Variants in PDE6A observed in about 807,000 individuals in gnomAD.
PDE6A encodes rod cGMP-specific 3',5'-cyclic phosphodiesterase subunit alpha.
PDE6A carries 84 observed loss-of-function variants against 106.3 expected under a neutral mutation model. That is an observed-to-expected ratio of 0.79 (90% CI 0.66 to 0.95). The LOEUF (loss-of-function observed/expected upper bound fraction) is 0.95, where lower values mean the gene tolerates loss of function less well. Ranked by LOEUF, PDE6A falls within the 40% of genes least tolerant of loss-of-function variation. PDE6A has a pLI of 0.00. For synonymous variants in PDE6A, 394 were observed against 386.6 expected, an observed-to-expected ratio of 1.02 and a Z score of -0.23; for missense variants, 1,052 against 1,084.9, an observed-to-expected ratio of 0.97 and a Z score of 0.43.
intron 17 of PDE6A, among the ~76,000 whole-genome samples, chr5:149,870,829 AGGTCCAAGGTG>A (rs1251927932): frequency 1.3e-5 from 2 of 151,264 alleles, no homozygotes; most frequent in African/African-American, 2.4e-5. Context: ...TGGCAGAAAA[AGGTCCAAGGTG>A]AAAAAAGAAG....
chr5:149,911,090 A>G (rs1050135803), intron 6 of PDE6A, among the ~76,000 whole-genome samples: 4 of 151,802 alleles, frequency 2.6e-5, no homozygotes, highest in Non-Finnish European at 4.4e-5. Context: ...CATATTGCCC[A>G]GGCTGGTCTC....
rs917365083 is a variant in PDE6A, at chr5:149,933,918, C to T, written c.717+12G>A. ...ACGAGTCAAGTCCATTCCCTTGGCCCAAGCCCCTTACCTGGCCACGTCGAG... is the reference window on the plus strand; with the variant it reads ...ACGAGTCAAGTCCATTCCCTTGGCCTAAGCCCCTTACCTGGCCACGTCGAG... On this transcript the variant is annotated intron_variant, in intron 3 of 21. Transcript: ENST00000255266. 1.2e-6 allele frequency: 2 copies of T among 1,604,066 alleles called. No individual in the cohort carries two copies. Among genetic ancestry groups the T allele is most frequent in the Non-Finnish European group, 1.7e-6 (2 of 1,171,462 alleles).
chr5:149,866,474 C>T, intron 19 of PDE6A: 1 of 523,376 alleles, frequency 1.9e-6, no homozygotes, highest in Non-Finnish European at 3.4e-6. Flanking sequence ...AAAAGACACA[C>T]TGTCTTCAGC....
Position 149,895,249 on chromosome 5 carries a change from G to A in PDE6A, c.1662C>T (p.Arg554=), listed in dbSNP as rs2113582664. The A allele has an allele frequency of 2.5e-6, 4 of 1,614,104 alleles. No individual in the cohort carries two copies. The highest frequency in any genetic ancestry group is 3.3e-4 in the Middle Eastern group (2 of 6,060). Residue 554 remains arginine (R), a synonymous_variant, in exon 13 of 22, where the codon CGC becomes CGT. Coordinates refer to ENST00000255266, the MANE Select transcript of PDE6A (RefSeq NM_000440.3). ...RFMYSLSKGY[R]KITYHNWRHG... is the part of the protein sequence containing the mutation. Reference sequence around the variant, plus strand: ...GCCGCCAGTTGTGGTAGGTGATCTTGCGGTAGCCCTTACTCAGGGAGTACA... The same window carrying A: ...GCCGCCAGTTGTGGTAGGTGATCTTACGGTAGCCCTTACTCAGGGAGTACA...
intron 13 of PDE6A, among the ~76,000 whole-genome samples, chr5:149,894,644 T>TTTTTTTTG (rs1385514587): frequency 1.4e-5 from 2 of 147,824 alleles, no homozygotes; most frequent in African/African-American, 5.1e-5. Flanking sequence ...TTTTTTTTTT[T>TTTTTTTTG]TTTTTTGAGA....
At chr5:149,921,000 G>GAAAGAAAGAA in intron 5 of PDE6A, among the ~76,000 whole-genome samples, 1 of 141,198 alleles carries the variant, frequency 7.1e-6, no homozygotes, top group Non-Finnish European at 1.6e-5. Flanking sequence ...GAAAGAAAAA[G>GAAAGAAAGAA]AAAGAAAATA....
intron 17 of PDE6A, among the ~76,000 whole-genome samples, chr5:149,882,418 C>A (rs1384034340): frequency 2.0e-5 from 3 of 152,074 alleles, no homozygotes; most frequent in African/African-American, 7.3e-5. Context: ...TCCCCTGCAA[C>A]TTTTCCTGAC....
chr5:149,901,266 C>A (rs889343093), intron 8 of PDE6A, among the ~76,000 whole-genome samples: 2 of 152,128 alleles, frequency 1.3e-5, no homozygotes, highest in African/African-American at 4.8e-5. Context: ...CAGTGGCTCA[C>A]GCCTGTAATC....
chr5:149,868,678 A>G lies in PDE6A; in HGVS notation c.2136-520T>C, dbSNP rs529939148. ...ATCATTGTTCCCTGCCCCAACTGCC[A>G]ACGAGCCTTTTTAGATACTTTTTCA... is the stretch of plus-strand genomic sequence containing the variant. On this transcript the variant is annotated intron_variant, in intron 17 of 21. Coordinates refer to ENST00000255266, the MANE Select transcript of PDE6A (RefSeq NM_000440.3). Among the ~76,000 whole-genome samples, 52 of 152,274 alleles carry G rather than the reference A, an allele frequency of 3.4e-4. 2 individuals are homozygous for G. In the South Asian group the frequency reaches 0.01, roughly 30 times the overall value.
intron 5 of PDE6A, 73 bp from the exon 6 acceptor site, chr5:149,915,080 G>C (rs970465204): frequency 2.0e-5 from 19 of 954,106 alleles, no homozygotes; most frequent in Non-Finnish European, 2.7e-5. Flanking sequence ...TGTCGCCCAG[G>C]CTGGAGTGCA....
chr5:149,864,994 C>CT (rs1760273458), intron 20 of PDE6A, among the ~76,000 whole-genome samples: 1 of 152,190 alleles, frequency 6.6e-6, no homozygotes, highest in Admixed American at 6.5e-5. Flanking sequence ...AATCCCAGCA[C>CT]TTTGGGAGGC....
At chr5:149,921,767 T>A in intron 4 of PDE6A, 58 bp from the exon 5 acceptor site, 2 of 1,332,848 alleles carry the variant, frequency 1.5e-6, no homozygotes, top group African/African-American at 1.4e-5. Context: ...GAAAGGAGAT[T>A]AAGATGTCCC....
At chr5:149,895,795 GGA>G (rs146467632) in intron 12 of PDE6A, among the ~76,000 whole-genome samples, 19 of 151,586 alleles carry the variant, frequency 1.3e-4, no homozygotes, top group South Asian at 4.2e-4. Flanking sequence ...GAGAGAAAGA[GGA>G]GAGAGAGAGA....
At chr5:149,898,704 T>C (rs901179336) in intron 9 of PDE6A, among the ~76,000 whole-genome samples, 198 bp from the exon 10 acceptor site, 3 of 152,212 alleles carry the variant, frequency 2.0e-5, no homozygotes, top group African/African-American at 7.2e-5. Flanking sequence ...CATAAAGCAC[T>C]AACATACAGA....
chr5:149,903,750 A>C lies in PDE6A; in HGVS notation c.1066-55T>G, dbSNP rs1469741944. 2.3e-6 allele frequency: 3 copies of C among 1,327,094 alleles called. No individual in the cohort carries two copies. In the South Asian group the frequency reaches 3.5e-5, roughly 16 times the overall value. The allele number at this position is 1,327,094 out of a possible 1,614,324, so 82.2% of individuals were successfully genotyped here. On this transcript the variant is annotated intron_variant, in intron 7 of 21. Transcript: ENST00000255266. ...TGTGATTAGGCCTGAGAGGGTGCCCAGTGAAGCACTGTATACCATTTTCAG... is the reference window on the plus strand; with the variant it reads ...TGTGATTAGGCCTGAGAGGGTGCCCCGTGAAGCACTGTATACCATTTTCAG...
At position 149,863,285 on chromosome 5, in the gene PDE6A, G is replaced by T. The variant is rs1760211058; in HGVS notation, c.2359-19C>A. ...AGAATTCCTAGAAGAGAGAGTATGT[G>T]CCTCTGGTGCAAGGGCCAGGCCACA... On this transcript the variant is annotated intron_variant, in intron 20 of 21. Transcript: ENST00000255266. This position sits in a 1 kb window ranked among gnomAD's most constrained non-coding sequence, Gnocchi z 4.7. 2 of 1,613,742 alleles carry T rather than the reference G, an allele frequency of 1.2e-6. No individual in the cohort carries two copies. Among genetic ancestry groups the T allele is most frequent in the Non-Finnish European group, 1.7e-6 (2 of 1,179,822 alleles).
At position 149,886,309 on chromosome 5, in the gene PDE6A, G is replaced by A; in HGVS notation, c.1794C>T (p.Cys598=). The change falls in exon 14 of 22, where the codon TGC becomes TGT. Residue 598 remains cysteine, a synonymous_variant. Transcript: ENST00000255266. ...EALAMVTAAF[C]HDIDHRGTNN... Reference sequence around the variant, plus strand: ...TGGTGCCTCTGTGGTCAATGTCATGGCAGAAAGCAGCAGTGACCATGGCCA... The same window carrying A: ...TGGTGCCTCTGTGGTCAATGTCATGACAGAAAGCAGCAGTGACCATGGCCA... 6.2e-7 allele frequency: 1 copy of A among 1,614,160 alleles called. No individual in the cohort carries two copies. Among genetic ancestry groups the A allele is most frequent in the Non-Finnish European group, 8.5e-7 (1 of 1,179,984 alleles).
intron 14 of PDE6A, among the ~76,000 whole-genome samples, chr5:149,885,301 G>A (rs914472859): frequency 1.3e-5 from 2 of 152,242 alleles, no homozygotes; most frequent in African/African-American, 4.8e-5. Context: ...TGAAAGTATT[G>A]AGAAGACTCA....
intron 5 of PDE6A, among the ~76,000 whole-genome samples, chr5:149,916,892 G>A (rs1348660953): frequency 6.6e-6 from 1 of 152,148 alleles, no homozygotes; most frequent in Non-Finnish European, 1.5e-5. Context: ...ACCTTGAACA[G>A]GGTTGCTCAG....
Sources: allele counts gnomAD v4.1 joint callset (sites outside exome capture counted in the v4.1 genomes callset), GRCh38; gene constraint gnomAD v4.1.1; non-coding constraint Gnocchi (gnomAD v3.1); transcripts MANE v1.5; gene names NCBI Gene and HGNC (gene_info 2026-07-23, HGNC 2026-07-21).